VBP1: variants seen among roughly 807,000 people sequenced by gnomAD.
The protein encoded by VBP1 is prefoldin subunit 3.
Under a neutral mutation model 15.5 loss-of-function variants are expected in VBP1, and 4 were observed. That is an observed-to-expected ratio of 0.26 (90% confidence interval 0.13 to 0.59). The LOEUF is 0.59. VBP1 is among the 20% of genes least tolerant of loss of function. The probability of loss-of-function intolerance (pLI) is 0.90; values close to 1 mark genes in which losing one functional copy is unlikely to be tolerated. For missense variants in VBP1, 108 were observed against 139.6 expected, an observed-to-expected ratio of 0.77 and a Z score of 1.14; for synonymous variants, 61 against 52.1, an observed-to-expected ratio of 1.17 and a Z score of -0.74.
At chrX:155,210,681 G>A (rs1311489082) in intron 2 of VBP1, among the ~76,000 whole-genome samples, 6 of 111,763 alleles carry the variant, frequency 5.4e-5, no homozygotes, top group African/African-American at 9.8e-5. Flanking sequence ...GTGACAATTC[G>A]CTTCCTTCCT....
upstream of VBP1, among the ~76,000 whole-genome samples, chrX:155,211,468 A>G (rs1401363044): frequency 8.9e-6 from 1 of 112,273 alleles, no homozygotes; most frequent in Admixed American, 9.4e-5. Flanking sequence ...AAGGCAAGAG[A>G]AACAAGTCCA....
At chrX:155,230,603 C>G (rs1209888705) in intron 4 of VBP1, among the ~76,000 whole-genome samples, 2 of 111,300 alleles carry the variant, frequency 1.8e-5, no homozygotes, top group Non-Finnish European at 3.8e-5. Flanking sequence ...TGAATGGTTT[C>G]TTATCACATT....
intron 4 of VBP1, among the ~76,000 whole-genome samples, chrX:155,234,775 A>G (rs1300953161): frequency 8.9e-6 from 1 of 112,163 alleles, no homozygotes; most frequent in Non-Finnish European, 1.9e-5. Context: ...CATTCGTCTG[A>G]TAAGTAGATT....
intron 1 of VBP1, among the ~76,000 whole-genome samples, chrX:155,200,028 G>A (rs1159361524): frequency 4.0e-5 from 4 of 99,297 alleles, no homozygotes; most frequent in African/African-American, 7.4e-5. Flanking sequence ...TTACATAATG[G>A]TAAAGGGATC....
intron 4 of VBP1, among the ~76,000 whole-genome samples, chrX:155,229,105 A>G (rs1265039478): frequency 8.9e-6 from 1 of 111,958 alleles, no homozygotes; most frequent in African/African-American, 3.2e-5. Flanking sequence ...TACTTCTACC[A>G]GCTGTCCTAC....
At chrX:155,202,047 T>A (rs1557307543) in intron 1 of VBP1, among the ~76,000 whole-genome samples, 1 of 111,129 alleles carries the variant, frequency 9.0e-6, no homozygotes, top group Non-Finnish European at 1.9e-5. Context: ...GGAATCCAAC[T>A]TACAAGGGAC....
intron 1 of VBP1, among the ~76,000 whole-genome samples, chrX:155,203,028 A>C (rs1447413743): frequency 8.9e-6 from 1 of 112,608 alleles, no homozygotes; most frequent in Non-Finnish European, 1.9e-5. Context: ...ATCACTAGCC[A>C]TCAGAGAAAT....
chrX:155,214,579 CAA>C (rs782581353), upstream of VBP1, among the ~76,000 whole-genome samples: 10 of 111,237 alleles, frequency 9.0e-5, no homozygotes, highest in Admixed American at 6.7e-4. Context: ...TGTTTTGTTT[CAA>C]AAGTGTCCAT....
chrX:155,216,440 C>T (rs1383313060), upstream of VBP1: 3 of 1,156,906 alleles, frequency 2.6e-6, no homozygotes, highest in African/African-American at 5.4e-5. Flanking sequence ...GGAATCCCGG[C>T]GGCCGGCGGC....
At chrX:155,198,155 C>A (rs2074585992) in intron 1 of VBP1, among the ~76,000 whole-genome samples, 1 of 112,756 alleles carries the variant, frequency 8.9e-6, no homozygotes, top group Non-Finnish European at 1.9e-5. Flanking sequence ...GCCTGCCTCC[C>A]TCTGTAGGCT....
intron 4 of VBP1, among the ~76,000 whole-genome samples, chrX:155,235,273 A>T (rs2074766813): frequency 9.1e-6 from 1 of 110,013 alleles, no homozygotes; most frequent in South Asian, 3.9e-4. Flanking sequence ...GTCTTTGCTT[A>T]TGTTGAATAT....
chrX:155,214,768 C>CTTTTTTTTTTTTTTTTTTTT (rs782556765), upstream of VBP1, among the ~76,000 whole-genome samples: 90 of 83,025 alleles, frequency 1.1e-3, 1 homozygote, highest in African/African-American at 2.1e-3. Context: ...TTTTCTTTTC[C>CTTTTTTTTTTTTTTTTTTTT]TTTTTTTTTT....
upstream of VBP1, chrX:155,216,257 C>T (rs1262198381): frequency 3.4e-5 from 23 of 683,687 alleles, no homozygotes; most frequent in Non-Finnish European, 4.5e-5. Flanking sequence ...TCCAGCTTCT[C>T]TTTCGCGGCC....
chrX:155,215,592 C>T (rs2074659617), upstream of VBP1, among the ~76,000 whole-genome samples: 1 of 112,057 alleles, frequency 8.9e-6, no homozygotes, highest in Admixed American at 9.4e-5. Flanking sequence ...GGAGATAAAC[C>T]GGTAACAGTG....
At chrX:155,214,376 A>T (rs1329107304), upstream of VBP1, among the ~76,000 whole-genome samples, 1 of 112,357 alleles carries the variant, frequency 8.9e-6, no homozygotes, top group Non-Finnish European at 1.9e-5. Context: ...TTAACGATAA[A>T]GAGTATTGTA....
At position 155,220,197 on chromosome X, in the gene VBP1, C is replaced by A. The variant is rs919325995; in HGVS notation, c.108C>A (p.Ser36=). Residue 36 remains serine (S), a synonymous_variant, in exon 2 of 6, where the codon TCC becomes TCA. Transcript: ENST00000286428. ...TGATATTAAAGGAAGATGTAGATTCCTTCATGAAACAGCCTGGGAATGAGA... is the reference window on the plus strand; with the variant it reads ...TGATATTAAAGGAAGATGTAGATTCATTCATGAAACAGCCTGGGAATGAGA... The part of the protein sequence containing the change: ...PEAVFVEDVD[S]FMKQPGNETA... The A allele has an allele frequency of 3.3e-6, 4 of 1,196,933 alleles. No homozygotes were observed. The African/African-American group carries it at 7.0e-5, about 21-fold the overall frequency.
chrX:155,216,139 G>C (rs1354059122), upstream of VBP1, among the ~76,000 whole-genome samples: 1 of 110,542 alleles, frequency 9.0e-6, no homozygotes, highest in East Asian at 2.8e-4. Flanking sequence ...GCTGCTGCCA[G>C]TTCTAGGGTC....
chrX:155,232,264 A>G lies in VBP1; in HGVS notation c.384+3782A>G, dbSNP rs782566014. 1.8e-4 allele frequency among the ~76,000 whole-genome samples: 19 copies of G among 104,337 alleles called. No individual in the cohort carries two copies. The East Asian group carries it at 5.3e-3, about 29-fold the overall frequency. 90.6% of individuals were successfully genotyped at this position (104,337 alleles called of 115,157 possible). ...TGATAGACATTTAGGTCTTCTTTAT[A>G]TATTATGTATTTCGGATGCACAGTC... On this transcript the variant is annotated intron_variant, in intron 4 of 5. Transcript: ENST00000286428.
At chrX:155,223,643 A>C (rs1557309841) in intron 2 of VBP1, among the ~76,000 whole-genome samples, 1 of 112,268 alleles carries the variant, frequency 8.9e-6, no homozygotes, top group East Asian at 2.8e-4. Flanking sequence ...TCCTTTCCCC[A>C]CATTTCCCCC....
Sources: gnomAD v4.1 joint callset for allele counts (sites outside exome capture counted in the v4.1 genomes callset) on GRCh38, gnomAD v4.1.1 for gene constraint, MANE v1.5 for transcripts, NCBI Gene and HGNC (gene_info 2026-07-23, HGNC 2026-07-21) for gene names.